The following NRXN3 variants were observed in gnomAD, a reference collection of about 807,000 sequenced individuals.
NRXN3 encodes neurexin 3, also known as neurexin III.
A neutral mutation model predicts 137.6 loss-of-function variants in NRXN3; 32 were observed. That is an observed-to-expected ratio of 0.23 (90% CI 0.18 to 0.31). NRXN3 has a LOEUF of 0.31. NRXN3 is among the 10% of genes least tolerant of loss of function. The pLI is 1.00. For synonymous variants in NRXN3, 798 were observed against 784.5 expected (o/e 1.02, Z -0.29); for missense variants, 1,574 against 2,062.5 (o/e 0.76, Z 4.59).
chr14:78,686,908 G>T (rs1343602401), intron 6 of NRXN3, among the ~76,000 whole-genome samples: 1 of 152,094 alleles, frequency 6.6e-6, no homozygotes, highest in African/African-American at 2.4e-5. Context: ...AACATGAGGG[G>T]TCCCTGCTTT....
chr14:78,234,098 G>T (rs2065847400), intron 1 of NRXN3, among the ~76,000 whole-genome samples: 1 of 152,186 alleles, frequency 6.6e-6, no homozygotes, highest in African/African-American at 2.4e-5. Context: ...GGTTTCTCTT[G>T]CCTGCCCCAA....
intron 14 of NRXN3, among the ~76,000 whole-genome samples, chr14:78,976,786 C>T (rs2099468409): frequency 6.6e-6 from 1 of 152,126 alleles, no homozygotes; most frequent in African/African-American, 2.4e-5. Flanking sequence ...TGGCACACTA[C>T]CAAAATGCAT....
intron 6 of NRXN3, among the ~76,000 whole-genome samples, chr14:78,704,609 A>G (rs984922100): frequency 6.6e-6 from 1 of 152,096 alleles, no homozygotes; most frequent in African/African-American, 2.4e-5. Context: ...CTTTGTGTGT[A>G]GGCATGGGGT....
chr14:78,862,136 C>T (rs1047812680), intron 10 of NRXN3, among the ~76,000 whole-genome samples: 6 of 152,084 alleles, frequency 3.9e-5, no homozygotes, highest in Admixed American at 6.6e-5. Context: ...GTGTGGTATA[C>T]ACATACTATT....
At chr14:78,980,069 G>T (rs943636198) in intron 14 of NRXN3, among the ~76,000 whole-genome samples, 4 of 152,174 alleles carry the variant, frequency 2.6e-5, no homozygotes, top group African/African-American at 7.2e-5. Context: ...GGTTAACACG[G>T]AATTCTACTA....
intron 4 of NRXN3, among the ~76,000 whole-genome samples, chr14:78,621,116 T>C (rs553266620): frequency 6.6e-6 from 1 of 152,316 alleles, no homozygotes; most frequent in African/African-American, 2.4e-5. Context: ...ATTACAGGAC[T>C]AGGAAGACAG....
intron 4 of NRXN3, among the ~76,000 whole-genome samples, chr14:78,518,628 C>T (rs150450986): frequency 6.6e-6 from 1 of 152,214 alleles, no homozygotes; most frequent in East Asian, 1.9e-4. Context: ...TGGCATTTAT[C>T]CTTGACACAT....
intron 15 of NRXN3, among the ~76,000 whole-genome samples, chr14:79,147,357 T>A (rs1166537187): frequency 6.6e-6 from 1 of 152,140 alleles, no homozygotes; most frequent in Non-Finnish European, 1.5e-5. Context: ...AAATGAGGAA[T>A]AACTTAATAG....
chr14:78,504,524 A>G (rs766653957), intron 4 of NRXN3, among the ~76,000 whole-genome samples: 4 of 152,154 alleles, frequency 2.6e-5, no homozygotes, highest in Non-Finnish European at 5.9e-5. Flanking sequence ...AATGGTGTGT[A>G]TGCTGTGTCT....
At position 79,520,814 on chromosome 14, in the gene NRXN3, T is replaced by C. The variant is rs2153702544; in HGVS notation, c.3444+53412T>C. ...GAGAAGTAGGAATGCTTTTACACTT[T>C]GGTGGGAGTGTAAATTAGTTCAACC... On this transcript the variant is annotated intron_variant, in intron 16 of 20. Coordinates refer to ENST00000335750, the MANE Select transcript of NRXN3 (RefSeq NM_001330195.2). Among the ~76,000 whole-genome samples the C allele has an allele frequency of 2.0e-5, 3 of 152,284 alleles. No individual in the cohort carries two copies. In the South Asian group the frequency reaches 6.2e-4, roughly 32 times the overall value.
chr14:79,086,191 G>C (rs2048058710), intron 15 of NRXN3, among the ~76,000 whole-genome samples: 1 of 152,114 alleles, frequency 6.6e-6, no homozygotes, highest in African/African-American at 2.4e-5. Context: ...TAAATTCTTG[G>C]ATGAAATTCT....
chr14:79,083,057 G>A (rs554684384), intron 15 of NRXN3, among the ~76,000 whole-genome samples: 2 of 152,238 alleles, frequency 1.3e-5, no homozygotes, highest in Admixed American at 6.5e-5. Context: ...AATGGATGGT[G>A]ACATGCTTCA....
At chr14:78,357,401 G>A (rs1290935520) in intron 4 of NRXN3, among the ~76,000 whole-genome samples, 1 of 152,166 alleles carries the variant, frequency 6.6e-6, no homozygotes, top group Admixed American at 6.5e-5. Flanking sequence ...CCACATGTGG[G>A]AATTGTGGGA....
intron 15 of NRXN3, among the ~76,000 whole-genome samples, chr14:79,443,716 G>T (rs899421261): frequency 1.3e-5 from 2 of 152,086 alleles, no homozygotes; most frequent in Admixed American, 6.6e-5. Context: ...GGGCAAGAAG[G>T]GTCCTGTCCT....
intron 8 of NRXN3, among the ~76,000 whole-genome samples, chr14:78,783,203 C>T (rs555104869): frequency 6.6e-6 from 1 of 152,168 alleles, no homozygotes; most frequent in Non-Finnish European, 1.5e-5. Context: ...AGGAACAAGG[C>T]ATGGGAATAT....
intron 15 of NRXN3, among the ~76,000 whole-genome samples, chr14:79,069,654 T>A (rs2099685061): frequency 6.6e-6 from 1 of 152,138 alleles, no homozygotes; most frequent in Non-Finnish European, 1.5e-5. Context: ...TCTGTGTCCA[T>A]TAAAACTTCC....
chr14:78,596,327 C>G (rs1278009627), intron 4 of NRXN3, among the ~76,000 whole-genome samples: 1 of 151,866 alleles, frequency 6.6e-6, no homozygotes, highest in Non-Finnish European at 1.5e-5. Flanking sequence ...GATCTCCAGG[C>G]AAGTGAGTCC....
chr14:79,739,072 GCCATCCCATTTCAAAGACACTGGAA>G (rs1362510571), intron 19 of NRXN3, among the ~76,000 whole-genome samples: 1 of 152,146 alleles, frequency 6.6e-6, no homozygotes, highest in Non-Finnish European at 1.5e-5. Context: ...TAAGTCTCCT[GCCATCCCATTTCAAAGACACTGGAA>G]ATCTTAAGCT....
chr14:79,271,658 A>C lies in NRXN3; in HGVS notation c.3263-195563A>C, dbSNP rs528548319. On this transcript the variant is annotated intron_variant, in intron 15 of 20. Coordinates refer to ENST00000335750, the MANE Select transcript of NRXN3 (RefSeq NM_001330195.2). ...AATACCTCTCTTTTGCATTGGAAGA[A>C]AAACTTGATCCCTTTTGGAGCTCTT... is the stretch of plus-strand genomic sequence containing the variant. Among the ~76,000 whole-genome samples the C allele has an allele frequency of 9.2e-5, 14 of 151,852 alleles. No individual in the cohort carries two copies. In the East Asian group the frequency reaches 2.7e-3, roughly 30 times the overall value.
Sources: allele counts gnomAD v4.1 joint callset (sites outside exome capture counted in the v4.1 genomes callset), GRCh38; gene constraint gnomAD v4.1.1; transcripts MANE v1.5; gene names NCBI Gene and HGNC (gene_info 2026-07-23, HGNC 2026-07-21).